The following AKAP6 variants were observed in gnomAD, a reference collection of about 807,000 sequenced individuals.
AKAP6 encodes the protein A-kinase anchor protein 6.
In AKAP6, 58 loss-of-function variants were observed where a neutral mutation model predicts 188.5. That is an observed-to-expected ratio of 0.31 (90% CI 0.25 to 0.38). The LOEUF is 0.38. Ranked by LOEUF, AKAP6 falls within the 10% of genes least tolerant of loss-of-function variation. AKAP6 has a pLI of 1.00. For synonymous variants in AKAP6, 989 were observed against 998.6 expected (o/e 0.99, Z 0.18); for missense variants, 2,710 against 2,740.0 (o/e 0.99, Z 0.24).
At chr14:32,668,698 A>T (rs1263434186) in intron 7 of AKAP6, among the ~76,000 whole-genome samples, 1 of 152,080 alleles carries the variant, frequency 6.6e-6, no homozygotes, top group Non-Finnish European at 1.5e-5. Context: ...TTGTAAATAA[A>T]CCTTGAGAAC....
chr14:32,477,708 G>A (rs529158786), intron 2 of AKAP6, among the ~76,000 whole-genome samples: 99 of 152,254 alleles, frequency 6.5e-4, no homozygotes, highest in African/African-American at 1.9e-3. Flanking sequence ...CAGTAATGAA[G>A]CATTTTTCTT....
In AKAP6 at chr14:32,823,569, A is replaced by G. The variant is rs1475900461; in HGVS notation, c.5756A>G (p.Asn1919Ser). The change falls in exon 13 of 14, where the codon AAT becomes AGT. Residue 1919 changes from asparagine (N) to serine (S), a missense_variant. Around this residue, in one of 2 missense-constraint regions of AKAP6, gnomAD observed 2,473 missense variants for 2,426.1 expected, o/e 1.02. Transcript: ENST00000280979. ...AATGTGACTTCAAAGGTATCAGAAA[A>G]TCTTGGTTCACATGGGAAAGAGATT... ...KPNVTSKVSENLGSHGKEISE... is the reference protein window; with the variant it reads ...KPNVTSKVSESLGSHGKEISE... The G allele has an allele frequency of 6.2e-7, 1 of 1,613,966 alleles. No homozygotes were observed. The highest frequency in any genetic ancestry group is 1.7e-5 in the Admixed American group (1 of 59,942).
intron 11 of AKAP6, among the ~76,000 whole-genome samples, chr14:32,744,699 TTTCTA>T (rs2139877524): frequency 6.6e-6 from 1 of 152,318 alleles, no homozygotes; most frequent in East Asian, 1.9e-4. Flanking sequence ...TTGAATGAAC[TTTCTA>T]TTCCTATCTC....
rs1461052192 is a variant in AKAP6, at chr14:32,383,816, G to T, written c.-34-49644G>T. Among the ~76,000 whole-genome samples the T allele has an allele frequency of 4.6e-5, 7 of 152,222 alleles. No homozygotes were observed. The East Asian group carries it at 7.7e-4, about 17-fold the overall frequency. The stretch of plus-strand genomic sequence containing the variant: ...CCAACTTTTGCTTAACTCAAGAAAC[G>T]GTCATCATCTGTTCCAATCCTAGAG... On this transcript the variant is annotated intron_variant, in intron 1 of 13. Transcript: ENST00000280979.
At chr14:32,329,594 T>C (rs1252767561) in intron 1 of AKAP6, among the ~76,000 whole-genome samples, 186 bp downstream of exon 1, 1 of 152,120 alleles carries the variant, frequency 6.6e-6, no homozygotes, top group Admixed American at 6.6e-5. Context: ...ATATAGGAAT[T>C]AAAATATGTA....
At chr14:32,454,757 CTCCCTCCCTCCTTCCCTCCT>C (rs1891083171) in intron 2 of AKAP6, among the ~76,000 whole-genome samples, 1 of 10,434 alleles carries the variant, frequency 9.6e-5, no homozygotes, top group Non-Finnish European at 1.7e-4. Flanking sequence ...CCTTCCCTCC[CTCCCTCCCTCCTTCCCTCCT>C]TCCCTCCCTC....
At chr14:32,419,749 A>T (rs576035032) in intron 1 of AKAP6, among the ~76,000 whole-genome samples, 9 of 152,198 alleles carry the variant, frequency 5.9e-5, no homozygotes, top group Non-Finnish European at 1.3e-4. Flanking sequence ...TATTGATTTG[A>T]GTCACAGTGA....
chr14:32,607,853 T>C (rs1017334481), intron 7 of AKAP6, among the ~76,000 whole-genome samples: 1 of 152,166 alleles, frequency 6.6e-6, no homozygotes, highest in Non-Finnish European at 1.5e-5. Context: ...ATAGTCCTGA[T>C]TTGCAGTACC....
chr14:32,676,720 G>A (rs1889442439), intron 7 of AKAP6, among the ~76,000 whole-genome samples: 2 of 152,240 alleles, frequency 1.3e-5, no homozygotes, highest in Admixed American at 1.3e-4. Context: ...AGTTATTTTA[G>A]CAGTGTTTCT....
At chr14:32,601,547 A>G (rs1174087761) in intron 7 of AKAP6, among the ~76,000 whole-genome samples, 2 of 152,186 alleles carry the variant, frequency 1.3e-5, no homozygotes, top group Non-Finnish European at 2.9e-5. Context: ...TTAATTTGAT[A>G]TTTTCGTGTA....
chr14:32,483,735 C>G (rs541814516), intron 2 of AKAP6, among the ~76,000 whole-genome samples: 1 of 152,112 alleles, frequency 6.6e-6, no homozygotes, highest in Non-Finnish European at 1.5e-5. Context: ...CTGCATGCCT[C>G]AGCCTCCCAA....
Position 32,823,877 on chromosome 14 carries a change from C to T in AKAP6, c.6064C>T (p.Leu2022Phe), listed in dbSNP as rs778700413. 3 of 1,613,816 alleles carry T rather than the reference C, an allele frequency of 1.9e-6. No individual in the cohort carries two copies. The highest frequency in any genetic ancestry group is 2.2e-5 in the South Asian group (2 of 91,078). The stretch of plus-strand genomic sequence containing the variant: ...AAAATCTGCTGGTTGTTGCCTAGCA[C>T]TTGAACAAAACGGAACAGAGGAAAA... Reference protein sequence around the residue: ...AGKSAGCCLALEQNGTEENAS... With the variant: ...AGKSAGCCLAFEQNGTEENAS... Residue 2022 changes from leucine (L) to phenylalanine (F), a missense_variant, in exon 13 of 14, where the codon CTT becomes TTT. Physicochemically the swap from Leu to Phe is conservative, Grantham distance 22 (BLOSUM62 0). Coordinates refer to ENST00000280979, the MANE Select transcript of AKAP6 (RefSeq NM_004274.5).
intron 9 of AKAP6, among the ~76,000 whole-genome samples, chr14:32,725,923 A>G (rs1425602761): frequency 1.3e-5 from 2 of 152,182 alleles, no homozygotes; most frequent in African/African-American, 4.8e-5. Context: ...TAATGAGTGT[A>G]TTAGCAAACA....
chr14:32,615,255 T>TATAGCC (rs1160475029), intron 7 of AKAP6, among the ~76,000 whole-genome samples: 20 of 150,916 alleles, frequency 1.3e-4, no homozygotes, highest in Admixed American at 9.9e-4. Context: ...GCTGAGGTGC[T>TATAGCC]ATAGCCATTT....
At chr14:32,674,140 C>G (rs1889333342) in intron 7 of AKAP6, among the ~76,000 whole-genome samples, 1 of 152,088 alleles carries the variant, frequency 6.6e-6, no homozygotes. Flanking sequence ...CAAGAAAGGG[C>G]TGTTTAAAGA....
intron 7 of AKAP6, among the ~76,000 whole-genome samples, chr14:32,605,517 A>G (rs1392346122): frequency 6.6e-6 from 1 of 152,160 alleles, no homozygotes; most frequent in Non-Finnish European, 1.5e-5. Context: ...AATTCCTCCT[A>G]TGTCTCTATT....
In AKAP6 at chr14:32,564,691, A is replaced by T. The variant is rs536015558; in HGVS notation, c.2347-12429A>T. On this transcript the variant is annotated intron_variant, in intron 4 of 13. Transcript: ENST00000280979. ...AAGAACCTCAGATGTTAACAGTCAG[A>T]AGGCATGAAAAATCATTCAGCTCAA... Among the ~76,000 whole-genome samples, 14 of 152,328 alleles carry T rather than the reference A, an allele frequency of 9.2e-5. No individual in the cohort carries two copies. The South Asian group carries it at 2.7e-3, about 29-fold the overall frequency.
intron 5 of AKAP6, among the ~76,000 whole-genome samples, chr14:32,590,384 T>A (rs1207287656): frequency 6.6e-6 from 1 of 152,054 alleles, no homozygotes; most frequent in Non-Finnish European, 1.5e-5. Flanking sequence ...GTGGTTGCAG[T>A]GAGCCAAGAT....
At position 32,544,917 on chromosome 14, in the gene AKAP6, C is replaced by T. The variant is rs887727866; in HGVS notation, c.577-313C>T. The stretch of plus-strand genomic sequence containing the variant: ...TACTTAAGGCTTTGTTTATGAAATT[C>T]TTATTAAATGAATAATATATTATTT... On this transcript the variant is annotated intron_variant, in intron 3 of 13. Coordinates refer to ENST00000280979, the MANE Select transcript of AKAP6 (RefSeq NM_004274.5). Among the ~76,000 whole-genome samples, 49 of 152,128 alleles carry T rather than the reference C, an allele frequency of 3.2e-4. 1 individual carries two copies. The highest frequency in any genetic ancestry group is 5.9e-4 in the Admixed American group (9 of 15,280).
Sources: gnomAD v4.1 joint callset for allele counts (sites outside exome capture counted in the v4.1 genomes callset) on GRCh38, gnomAD v4.1.1 for gene constraint, gnomAD v4.1.1 regional missense constraint, MANE v1.5 for transcripts, NCBI Gene and HGNC (gene_info 2026-07-23, HGNC 2026-07-21) for gene names.